DLG2: variants seen among roughly 807,000 people sequenced by gnomAD.
DLG2 encodes the protein disks large homolog 2.
A neutral mutation model predicts 132.5 loss-of-function variants in DLG2; 45 were observed. That is an observed-to-expected ratio of 0.34 (90% CI 0.27 to 0.44). The LOEUF is 0.44. Ranked by LOEUF, DLG2 falls within the 20% of genes least tolerant of loss-of-function variation. The pLI, the probability that DLG2 is intolerant of heterozygous loss-of-function variation, is 1.00. For missense variants in DLG2, 1,045 were observed against 1,196.9 expected, an observed-to-expected ratio of 0.87 and a Z score of 1.87; for synonymous variants, 424 against 419.6, an observed-to-expected ratio of 1.01 and a Z score of -0.13.
chr11:83,817,789 T>C (rs12794931), intron 17 of DLG2, among the ~76,000 whole-genome samples: 104,651 of 152,010 alleles, frequency 0.69, 37,162 homozygotes, highest in African/African-American at 0.87. Flanking sequence ...GGTGAGAGGA[T>C]TGCGTGAGCC....
chr11:84,237,636 A>G (rs2097174666), intron 8 of DLG2, among the ~76,000 whole-genome samples: 1 of 152,228 alleles, frequency 6.6e-6, no homozygotes, highest in African/African-American at 2.4e-5. Context: ...CACCAAAAGT[A>G]AAGTTCATCA....
chr11:84,657,783 C>T (rs1355996957), intron 6 of DLG2, among the ~76,000 whole-genome samples: 1 of 152,198 alleles, frequency 6.6e-6, no homozygotes, highest in Admixed American at 6.5e-5. Context: ...TTAGGCCACA[C>T]TCAACTGCAG....
intron 6 of DLG2, among the ~76,000 whole-genome samples, chr11:84,812,759 G>C (rs534153189): frequency 6.6e-6 from 1 of 152,184 alleles, no homozygotes; most frequent in East Asian, 1.9e-4. Context: ...GCCTATATCA[G>C]CACCTCTCTC....
intron 19 of DLG2, among the ~76,000 whole-genome samples, chr11:83,559,826 A>G (rs544558743): frequency 3.3e-4 from 50 of 152,278 alleles, no homozygotes; most frequent in Middle Eastern, 3.4e-3. Flanking sequence ...GCCAAATTGG[A>G]TGCTAAAGAC....
At chr11:84,847,308 A>G (rs897790648) in intron 6 of DLG2, among the ~76,000 whole-genome samples, 6 of 152,218 alleles carry the variant, frequency 3.9e-5, no homozygotes, top group African/African-American at 1.4e-4. Context: ...GGTTGTTTGC[A>G]TGACAGTGTA....
At chr11:85,234,502 G>A (rs190470881) in intron 4 of DLG2, among the ~76,000 whole-genome samples, 6 of 152,030 alleles carry the variant, frequency 3.9e-5, no homozygotes, top group African/African-American at 2.4e-5. Context: ...TTAACCAAAG[G>A]GTTTAGTAAT....
At chr11:84,253,350 C>T (rs1232834073) in intron 7 of DLG2, among the ~76,000 whole-genome samples, 3 of 151,956 alleles carry the variant, frequency 2.0e-5, no homozygotes, top group Non-Finnish European at 4.4e-5. Context: ...ATTTTCCTTC[C>T]GTGTAGAATG....
At chr11:83,861,462 A>G (rs569591342) in intron 16 of DLG2, among the ~76,000 whole-genome samples, 46 of 152,342 alleles carry the variant, frequency 3.0e-4, no homozygotes, top group African/African-American at 1.1e-3. Flanking sequence ...ATAATAGCCA[A>G]GATTTGGAAG....
intron 6 of DLG2, among the ~76,000 whole-genome samples, chr11:85,042,665 T>G (rs1037815296): frequency 6.6e-6 from 1 of 151,910 alleles, no homozygotes; most frequent in Non-Finnish European, 1.5e-5. Context: ...TCTTAATAAA[T>G]AAGTTGGGGA....
At chr11:84,363,344 T>C (rs1316804123) in intron 7 of DLG2, among the ~76,000 whole-genome samples, 1 of 151,672 alleles carries the variant, frequency 6.6e-6, no homozygotes, top group Admixed American at 6.6e-5. Context: ...TTCGCCCACT[T>C]TTTGATGGGG....
Position 85,416,458 on chromosome 11 carries a change from GT to G in DLG2, c.41-131094del, listed in dbSNP as rs540610964. Among the ~76,000 whole-genome samples, 412 of 152,098 alleles carry G rather than the reference GT, an allele frequency of 2.7e-3. 1 individual carries two copies. The highest frequency in any genetic ancestry group is 4.0e-3 in the Non-Finnish European group (269 of 67,962). ...TTGGTTCCATATAAAATTTAAAGAA[GT>G]TTTTTTTAATTCTGTGAAGAAAGTC... On this transcript the variant is annotated intron_variant, in intron 3 of 27. Transcript: ENST00000376104.
chr11:85,412,488 A>G (rs890970773), intron 3 of DLG2, among the ~76,000 whole-genome samples: 7 of 151,638 alleles, frequency 4.6e-5, no homozygotes, highest in African/African-American at 1.5e-4. Context: ...TATACACTGC[A>G]CCATATTTGT....
At chr11:83,686,681 T>C (rs543751758) in intron 18 of DLG2, among the ~76,000 whole-genome samples, 3 of 152,226 alleles carry the variant, frequency 2.0e-5, no homozygotes, top group Non-Finnish European at 4.4e-5. Flanking sequence ...CCCTACATTA[T>C]AAATTTCTCA....
intron 7 of DLG2, among the ~76,000 whole-genome samples, chr11:84,366,903 C>A (rs1157781254): frequency 6.6e-6 from 1 of 151,962 alleles, no homozygotes; most frequent in Non-Finnish European, 1.5e-5. Context: ...GACAGATCAA[C>A]GAGACAGAAA....
intron 6 of DLG2, among the ~76,000 whole-genome samples, chr11:84,866,082 A>G (rs1451327960): frequency 1.3e-5 from 2 of 152,206 alleles, no homozygotes; most frequent in Non-Finnish European, 2.9e-5. Context: ...TCTTCTAAAA[A>G]CCAGTTTCCT....
chr11:84,777,301 A>ATC (rs2070792730), intron 6 of DLG2, among the ~76,000 whole-genome samples: 1 of 131,188 alleles, frequency 7.6e-6, no homozygotes, highest in Non-Finnish European at 1.6e-5. Context: ...ATATATATAT[A>ATC]TATATATATA....
chr11:84,469,469 G>C (rs1448993267), intron 7 of DLG2, among the ~76,000 whole-genome samples: 2 of 151,610 alleles, frequency 1.3e-5, no homozygotes, highest in African/African-American at 4.8e-5. Context: ...TCAGCAAAAA[G>C]TAAGACATGG....
chr11:84,611,046 C>CAT (rs1170546856), intron 6 of DLG2, among the ~76,000 whole-genome samples: 7 of 151,498 alleles, frequency 4.6e-5, no homozygotes, highest in Non-Finnish European at 1.0e-4. Flanking sequence ...CACACACACA[C>CAT]ACACACACAC....
At chr11:85,376,510 G>A (rs529993671) in intron 3 of DLG2, among the ~76,000 whole-genome samples, 27 of 152,254 alleles carry the variant, frequency 1.8e-4, no homozygotes, top group African/African-American at 6.5e-4. Context: ...CTCTATAAGA[G>A]TTGTCTTAAT....
Sources: gnomAD v4.1 joint callset for allele counts (sites outside exome capture counted in the v4.1 genomes callset) on GRCh38, gnomAD v4.1.1 for gene constraint, MANE v1.5 for transcripts, NCBI Gene and HGNC (gene_info 2026-07-23, HGNC 2026-07-21) for gene names.